The following SH3BGRL2 variants were observed in gnomAD, a reference collection of about 807,000 sequenced individuals.
SH3BGRL2 encodes the protein SH3 domain-binding glutamic acid-rich-like protein 2.
A neutral mutation model predicts 14.8 loss-of-function variants in SH3BGRL2; 21 were observed. The observed-to-expected ratio is 1.42, with a 90% CI of 1.01 to 2.05. The LOEUF is 2.05. Ranked by LOEUF, SH3BGRL2 falls within the 30% of genes most tolerant of loss-of-function variation. The pLI is 0.00. For missense variants in SH3BGRL2, 147 were observed against 130.8 expected (o/e 1.12, Z -0.61); for synonymous variants, 50 against 47.8 (o/e 1.05, Z -0.19).
the SH3BGRL2 span, among the ~76,000 whole-genome samples, chr6:79,570,823 G>A: frequency 7.0e-4 from 106 of 151,880 alleles, no homozygotes; most frequent in Non-Finnish European, 6.8e-4. Flanking sequence ...TAGATTCAGG[G>A]AAAAAAACAA....
chr6:79,591,306 C>T, the SH3BGRL2 span, among the ~76,000 whole-genome samples: 9 of 152,030 alleles, frequency 5.9e-5, no homozygotes, highest in Non-Finnish European at 1.3e-4. Flanking sequence ...TTTTTAAAAA[C>T]GTGGGGCTAT....
the SH3BGRL2 span, among the ~76,000 whole-genome samples, chr6:79,619,787 C>A: frequency 6.6e-6 from 1 of 152,308 alleles, no homozygotes; most frequent in East Asian, 1.9e-4. Context: ...GTTTTAGCTT[C>A]TGCATCTATT....
At chr6:79,568,119 A>G in the SH3BGRL2 span, among the ~76,000 whole-genome samples, 1 of 152,206 alleles carries the variant, frequency 6.6e-6, no homozygotes, top group Non-Finnish European at 1.5e-5. Context: ...ACTGCTAATG[A>G]GGGGTTAAAT....
chr6:79,652,802 T>C (rs1769322683), intron 1 of SH3BGRL2, among the ~76,000 whole-genome samples: 1 of 152,172 alleles, frequency 6.6e-6, no homozygotes, highest in East Asian at 1.9e-4. Context: ...TGTAACGTTC[T>C]ATATTTTTGC....
chr6:79,699,091 G>A (rs940125444), intron 3 of SH3BGRL2, among the ~76,000 whole-genome samples: 4 of 151,814 alleles, frequency 2.6e-5, no homozygotes, highest in African/African-American at 9.7e-5. Flanking sequence ...TGGCAGTTGG[G>A]GGACTGGGGC....
intron 1 of SH3BGRL2, among the ~76,000 whole-genome samples, chr6:79,640,306 G>C (rs1026349311): frequency 6.6e-6 from 1 of 152,132 alleles, no homozygotes; most frequent in Non-Finnish European, 1.5e-5. Flanking sequence ...AATTTAAAGG[G>C]TTAGTATTGC....
chr6:79,542,684 T>A, the SH3BGRL2 span, among the ~76,000 whole-genome samples: 1 of 152,216 alleles, frequency 6.6e-6, no homozygotes, highest in Non-Finnish European at 1.5e-5. Context: ...AGGGAGAGGT[T>A]GGAAGGTGGG....
At chr6:79,623,880 T>G in the SH3BGRL2 span, among the ~76,000 whole-genome samples, 3 of 152,358 alleles carry the variant, frequency 2.0e-5, no homozygotes, top group East Asian at 5.8e-4. Context: ...TAAGCTGACT[T>G]TTCCATTTTC....
At chr6:79,648,279 T>TATATATATAAATAA (rs752182712) in intron 1 of SH3BGRL2, among the ~76,000 whole-genome samples, 1 of 117,186 alleles carries the variant, frequency 8.5e-6, no homozygotes, top group Non-Finnish European at 1.7e-5. Flanking sequence ...TATATATATA[T>TATATATATAAATAA]ATATTTGACA....
At chr6:79,639,947 A>G (rs1045246494) in intron 1 of SH3BGRL2, among the ~76,000 whole-genome samples, 1 of 152,222 alleles carries the variant, frequency 6.6e-6, no homozygotes, top group Non-Finnish European at 1.5e-5. Flanking sequence ...TTCTTCTGTG[A>G]AATGGCAAGT....
chr6:79,659,665 A>G (rs138283026), intron 1 of SH3BGRL2, among the ~76,000 whole-genome samples: 67 of 152,202 alleles, frequency 4.4e-4, no homozygotes, highest in African/African-American at 1.4e-3. Context: ...TTTTTTTCCA[A>G]TTCTGTGAAG....
chr6:79,671,466 A>G (rs573593834), intron 1 of SH3BGRL2, among the ~76,000 whole-genome samples: 100 of 152,282 alleles, frequency 6.6e-4, no homozygotes, highest in African/African-American at 2.3e-3. Context: ...AAACAAAACA[A>G]AAAAATGACA....
chr6:79,692,833 G>A (rs931614888), intron 2 of SH3BGRL2, among the ~76,000 whole-genome samples: 9 of 152,220 alleles, frequency 5.9e-5, no homozygotes, highest in East Asian at 1.9e-4. Context: ...TTGACTTGGC[G>A]ATGCGGGCTC....
the SH3BGRL2 span, among the ~76,000 whole-genome samples, chr6:79,561,862 T>C: frequency 6.6e-6 from 1 of 152,096 alleles, no homozygotes; most frequent in African/African-American, 2.4e-5. Flanking sequence ...CTAAAATACA[T>C]AGATGGTTGA....
intron 1 of SH3BGRL2, among the ~76,000 whole-genome samples, chr6:79,669,205 G>A (rs1433209154): frequency 6.6e-6 from 1 of 152,040 alleles, no homozygotes; most frequent in Non-Finnish European, 1.5e-5. Context: ...CAAAAACAAA[G>A]AGACATATAA....
At chr6:79,563,672 A>G in the SH3BGRL2 span, among the ~76,000 whole-genome samples, 1 of 152,320 alleles carries the variant, frequency 6.6e-6, no homozygotes, top group East Asian at 1.9e-4. Flanking sequence ...TATGTGAGTG[A>G]GGCCATTCAT....
chr6:79,621,561 G>A, the SH3BGRL2 span, among the ~76,000 whole-genome samples: 15 of 152,128 alleles, frequency 9.9e-5, no homozygotes, highest in Non-Finnish European at 1.2e-4. Context: ...ATGGTATTTC[G>A]TTATACCAGC....
At chr6:79,624,490 A>G in the SH3BGRL2 span, among the ~76,000 whole-genome samples, 8 of 152,090 alleles carry the variant, frequency 5.3e-5, no homozygotes, top group African/African-American at 1.9e-4. Flanking sequence ...TACTTGTAAC[A>G]ATATGTTCAG....
the SH3BGRL2 span, among the ~76,000 whole-genome samples, chr6:79,545,228 C>T: frequency 1.7e-4 from 26 of 152,210 alleles, no homozygotes; most frequent in Non-Finnish European, 2.5e-4. Context: ...TCCTTTGTGG[C>T]GCTGATGCAG....
Sources: allele counts gnomAD v4.1 joint callset (sites outside exome capture counted in the v4.1 genomes callset), GRCh38; gene constraint gnomAD v4.1.1; transcripts MANE v1.5; gene names NCBI Gene and HGNC (gene_info 2026-07-23, HGNC 2026-07-21).